Variants in KCNK18 observed in about 807,000 individuals in gnomAD.
KCNK18 encodes the protein potassium two pore domain channel subfamily K member 18.
A neutral mutation model predicts 11.8 loss-of-function variants in KCNK18; 8 were observed. That is an observed-to-expected ratio of 0.68 (90% CI 0.40 to 1.22). The LOEUF (loss-of-function observed/expected upper bound fraction) is 1.22, where lower values mean the gene tolerates loss of function less well. Ranked by LOEUF, KCNK18 falls within the 50% of genes most tolerant of loss-of-function variation. KCNK18 has a pLI of 0.01. For missense variants in KCNK18, 442 were observed against 465.4 expected, an observed-to-expected ratio of 0.95 and a Z score of 0.46; for synonymous variants, 208 against 185.8, an observed-to-expected ratio of 1.12 and a Z score of -0.97.
chr10:117,203,561 A>T (rs1855039731), intron 2 of KCNK18, among the ~76,000 whole-genome samples: 1 of 152,192 alleles, frequency 6.6e-6, no homozygotes, highest in African/African-American at 2.4e-5. Flanking sequence ...GCTTTTTGAG[A>T]CAGAGTCTTG....
chr10:117,198,071 C>T (rs1458294043), intron 1 of KCNK18, among the ~76,000 whole-genome samples: 1 of 152,030 alleles, frequency 6.6e-6, no homozygotes, highest in Admixed American at 6.5e-5. Context: ...CATGGGTGAG[C>T]AAATCTGGGG....
intron 2 of KCNK18, among the ~76,000 whole-genome samples, chr10:117,209,219 C>T (rs1183518200): frequency 6.6e-6 from 1 of 152,108 alleles, no homozygotes; most frequent in East Asian, 1.9e-4. Flanking sequence ...TCTGTTCACC[C>T]CAAACCTGTG....
intron 2 of KCNK18, among the ~76,000 whole-genome samples, chr10:117,204,177 A>C (rs1855048559): frequency 6.6e-6 from 1 of 150,542 alleles, no homozygotes; most frequent in Admixed American, 6.7e-5. Context: ...TGGGAGCATC[A>C]CTTGAGCCCT....
chr10:117,209,199 T>C (rs1855111314), intron 2 of KCNK18, among the ~76,000 whole-genome samples: 1 of 152,078 alleles, frequency 6.6e-6, no homozygotes, highest in Admixed American at 6.5e-5. Context: ...CAGAACAGAA[T>C]CAAAGGCAAT....
chr10:117,199,618 G>C (rs187860499), intron 1 of KCNK18, among the ~76,000 whole-genome samples: 1 of 152,226 alleles, frequency 6.6e-6, no homozygotes, highest in Non-Finnish European at 1.5e-5. Context: ...ATGGAACCAG[G>C]GACTTAAACC....
chr10:117,209,927 C>A lies in KCNK18; in HGVS notation c.783C>A (p.Leu261=). Residue 261 remains leucine, a synonymous_variant, in exon 3 of 3, where the codon CTC becomes CTA. Transcript: ENST00000334549. ...NSCPELVLGR[L]SYSIISNLDE... ...GTCCCGAACTGGTGTTGGGAAGACT[C>A]TCATACTCCATCATCAGCAACCTGG... The A allele has an allele frequency of 6.2e-7, 1 of 1,614,216 alleles. No individual in the cohort carries two copies. The highest frequency in any genetic ancestry group is 8.5e-7 in the Non-Finnish European group (1 of 1,180,050).
intron 2 of KCNK18, 110 bp from the exon 3 acceptor site, chr10:117,209,387 T>C (rs1482287205): frequency 3.3e-6 from 3 of 911,340 alleles, no homozygotes; most frequent in Non-Finnish European, 5.5e-6. Context: ...AAAAACAATG[T>C]GTAAAATGTC....
intron 1 of KCNK18, among the ~76,000 whole-genome samples, chr10:117,199,803 A>G (rs528356218): frequency 1.3e-5 from 2 of 152,126 alleles, no homozygotes; most frequent in African/African-American, 2.4e-5. Flanking sequence ...AATTAAAAGG[A>G]GTAGAGACTT....
chr10:117,204,482 G>A (rs565800788), intron 2 of KCNK18, among the ~76,000 whole-genome samples: 1 of 152,084 alleles, frequency 6.6e-6, no homozygotes, highest in African/African-American at 2.4e-5. Flanking sequence ...AGCCACAATA[G>A]TCTCCAGGCA....
chr10:117,203,177 T>A (rs959064733), intron 2 of KCNK18, among the ~76,000 whole-genome samples: 10 of 152,062 alleles, frequency 6.6e-5, no homozygotes, highest in Non-Finnish European at 1.3e-4. Context: ...GCGCCTGGCC[T>A]TGTTCACCTG....
intron 2 of KCNK18, among the ~76,000 whole-genome samples, chr10:117,202,305 G>C (rs931925501): frequency 2.6e-5 from 4 of 152,224 alleles, no homozygotes; most frequent in African/African-American, 9.6e-5. Context: ...CTGCCTCTCA[G>C]GGTCAGCTGA....
rs528485204 is a variant in KCNK18, at chr10:117,209,540, G to A, written c.396G>A (p.Leu132=). 1.9e-6 allele frequency: 3 copies of A among 1,614,174 alleles called. No homozygotes were observed. The highest frequency in any genetic ancestry group is 3.3e-4 in the Middle Eastern group (2 of 6,062). Reference sequence around the variant, plus strand: ...CCGTCACCAGGCTTGGCAAGTACTTGTGCATGCTCTATGCTCTCTTTGGTA... The same window carrying A: ...CCGTCACCAGGCTTGGCAAGTACTTATGCATGCTCTATGCTCTCTTTGGTA... ...IYPVTRLGKY[L]CMLYALFGIP... The change falls in exon 3 of 3, where the codon TTG becomes TTA. Residue 132 remains leucine (L), a synonymous_variant. Coordinates refer to ENST00000334549, the MANE Select transcript of KCNK18 (RefSeq NM_181840.1).
intron 1 of KCNK18, among the ~76,000 whole-genome samples, chr10:117,200,863 C>G (rs2133701983): frequency 6.6e-6 from 1 of 151,252 alleles, no homozygotes; most frequent in East Asian, 1.9e-4. Context: ...AATTAAAAGG[C>G]AAAGACTACA....
At chr10:117,205,715 T>C (rs1237089638) in intron 2 of KCNK18, among the ~76,000 whole-genome samples, 1 of 152,168 alleles carries the variant, frequency 6.6e-6, no homozygotes. Flanking sequence ...TCTGAAGCCC[T>C]ACAATTTACT....
Position 117,209,556 on chromosome 10 carries a change from C to G in KCNK18, c.412C>G (p.Leu138Val), listed in dbSNP as rs1306286525. The change falls in exon 3 of 3, where the codon CTC (leucine) becomes GTC (valine). Residue 138 changes from leucine (L) to valine (V), a missense_variant. Leu to Val is a conservative substitution (Grantham distance 32, BLOSUM62 1). Coordinates refer to ENST00000334549, the MANE Select transcript of KCNK18 (RefSeq NM_181840.1). ...CAAGTACTTGTGCATGCTCTATGCT[C>G]TCTTTGGTATCCCCCTGATGTTCCT... ...LGKYLCMLYA[L>V]FGIPLMFLVL... 9 of 1,613,916 alleles carry G rather than the reference C, an allele frequency of 5.6e-6. No homozygotes were observed. The highest frequency in any genetic ancestry group is 1.1e-5 in the South Asian group (1 of 91,086).
In KCNK18 at chr10:117,209,568, C is replaced by T. The variant is rs1478836622; in HGVS notation, c.424C>T (p.Pro142Ser). The change falls in exon 3 of 3, where the codon CCC becomes TCC. Residue 142 changes from proline to serine, a missense_variant. By Grantham distance (74) the Pro-to-Ser change is moderately conservative (BLOSUM62 -1). Transcript: ENST00000334549. ...CATGCTCTATGCTCTCTTTGGTATC[C>T]CCCTGATGTTCCTCGTTCTCACGGA... ...LCMLYALFGI[P>S]LMFLVLTDTG... 2 of 1,614,094 alleles carry T rather than the reference C, an allele frequency of 1.2e-6. No homozygotes were observed. Among genetic ancestry groups the T allele is most frequent in the Non-Finnish European group, 1.7e-6 (2 of 1,180,002 alleles).
In KCNK18 at chr10:117,201,167, G is replaced by C; in HGVS notation, c.232G>C (p.Asp78His). ...ILNCSETVVE[D>H]RKQDLQGHLQ... ...GTCATGTCTTTCTCCAGTGGTGGAA[G>C]ACAGAAAACAGGATCTCCAGGGGCA... Residue 78 changes from aspartate to histidine, a missense_variant, in exon 2 of 3, where the codon GAC becomes CAC. Physicochemically the swap from Asp to His is moderately conservative, Grantham distance 81 (BLOSUM62 -1). Transcript: ENST00000334549. 6.2e-7 allele frequency: 1 copy of C among 1,614,212 alleles called. No individual in the cohort carries two copies. Among genetic ancestry groups the C allele is most frequent in the Non-Finnish European group, 8.5e-7 (1 of 1,180,042 alleles).
intron 2 of KCNK18, among the ~76,000 whole-genome samples, chr10:117,204,347 G>A (rs930561055): frequency 6.6e-6 from 1 of 151,696 alleles, no homozygotes; most frequent in Non-Finnish European, 1.5e-5. Flanking sequence ...AGCACTATCA[G>A]CTTCTTGCAT....
intron 1 of KCNK18, among the ~76,000 whole-genome samples, chr10:117,199,921 G>A (rs894225859): frequency 6.6e-6 from 1 of 152,184 alleles, no homozygotes; most frequent in Admixed American, 6.5e-5. Flanking sequence ...GAGCCATTCA[G>A]GAACCTCTCT....
Sources: gnomAD v4.1 joint callset for allele counts (sites outside exome capture counted in the v4.1 genomes callset) on GRCh38, gnomAD v4.1.1 for gene constraint, MANE v1.5 for transcripts, NCBI Gene and HGNC (gene_info 2026-07-23, HGNC 2026-07-21) for gene names.